TGFBR1: variants seen among roughly 807,000 people sequenced by gnomAD.
TGFBR1 encodes transforming growth factor beta receptor 1, also known as TGF-beta receptor type-1.
In TGFBR1, 20 loss-of-function variants were observed where a neutral mutation model predicts 55.1. The observed-to-expected ratio is 0.36, with a 90% CI of 0.26 to 0.53. The LOEUF is 0.53. Among genes scored for constraint, TGFBR1 ranks in the 20% least tolerant of loss-of-function variants. The probability of loss-of-function intolerance (pLI) is 0.91; values close to 1 mark genes in which losing one functional copy is unlikely to be tolerated. For synonymous variants in TGFBR1, 220 were observed against 214.8 expected (o/e 1.02, Z -0.21); for missense variants, 385 against 617.6 (o/e 0.62, Z 3.99).
At chr9:99,134,324 G>A (rs947311739) in intron 3 of TGFBR1, among the ~76,000 whole-genome samples, 13 of 152,256 alleles carry the variant, frequency 8.5e-5, no homozygotes, top group African/African-American at 2.9e-4. Context: ...TGGAGCTCAC[G>A]TCCCAGAAGG....
intron 2 of TGFBR1, among the ~76,000 whole-genome samples, chr9:99,131,185 A>G (rs1270633897): frequency 1.3e-5 from 2 of 152,148 alleles, no homozygotes; most frequent in Admixed American, 1.3e-4. Context: ...TTTAACACAC[A>G]TAAACATTGG....
At chr9:99,118,019 C>G (rs773809855) in intron 1 of TGFBR1, among the ~76,000 whole-genome samples, 4 of 152,134 alleles carry the variant, frequency 2.6e-5, no homozygotes, top group Non-Finnish European at 5.9e-5. Context: ...TTTGTAATTT[C>G]TATCAATAAG....
chr9:99,144,978 CTTAAACTTGCACTTTA>C, intron 6 of TGFBR1, 90 bp downstream of exon 6: 1 of 1,436,124 alleles, frequency 7.0e-7, no homozygotes, highest in Non-Finnish European at 9.6e-7. Context: ...TGAAACTCAG[CTTAAACTTGCACTTTA>C]TTAGATTGCC....
chr9:99,141,434 T>G (rs905516876), intron 4 of TGFBR1, among the ~76,000 whole-genome samples: 1 of 152,242 alleles, frequency 6.6e-6, no homozygotes, highest in Non-Finnish European at 1.5e-5. Flanking sequence ...TTCATGTCAA[T>G]ATGGATTTTT....
Position 99,140,837 on chromosome 9 carries a change from C to A in TGFBR1, c.806-1699C>A, listed in dbSNP as rs1564165836. Among the ~76,000 whole-genome samples, 6 of 152,308 alleles carry A rather than the reference C, an allele frequency of 3.9e-5. No individual in the cohort carries two copies. In the East Asian group the frequency reaches 1.2e-3, roughly 29 times the overall value. On this transcript the variant is annotated intron_variant, in intron 4 of 8. Coordinates refer to ENST00000374994, the MANE Select transcript of TGFBR1 (RefSeq NM_004612.4). ...CTGGATTTTGTCACATTCCAAGTTA[C>A]AAACACAGCAGCACAAAATGTTGGT...
chr9:99,118,263 GTCC>G (rs1826804905), intron 1 of TGFBR1, among the ~76,000 whole-genome samples: 1 of 152,080 alleles, frequency 6.6e-6, no homozygotes, highest in African/African-American at 2.4e-5. Flanking sequence ...GTACATAGTT[GTCC>G]TCTGCAAGTA....
At chr9:99,148,307 C>T (rs901233053) in intron 8 of TGFBR1, among the ~76,000 whole-genome samples, 4 of 152,140 alleles carry the variant, frequency 2.6e-5, no homozygotes, top group Non-Finnish European at 4.4e-5. Flanking sequence ...AGGGAAAATG[C>T]TTTTTTCCAG....
In TGFBR1 at chr9:99,108,537, A is replaced by C. The variant is rs1465884476; in HGVS notation, c.97+3235A>C. Among the ~76,000 whole-genome samples, 3 of 152,180 alleles carry C rather than the reference A, an allele frequency of 2.0e-5. No homozygotes were observed. The East Asian group carries it at 5.8e-4, about 29-fold the overall frequency. On this transcript the variant is annotated intron_variant, in intron 1 of 8. Coordinates refer to ENST00000374994, the MANE Select transcript of TGFBR1 (RefSeq NM_004612.4). ...ATTCAAAAAGGGAAATGATTAGTGT[A>C]AGCTGGAATGATTGGGGGAGGCTTC...
upstream of TGFBR1, among the ~76,000 whole-genome samples, chr9:99,104,908 G>T (rs997683604): frequency 2.0e-5 from 3 of 151,718 alleles, no homozygotes; most frequent in East Asian, 5.9e-4. Flanking sequence ...GGGTCTGGCG[G>T]CCCAGCCCCC....
intron 4 of TGFBR1, among the ~76,000 whole-genome samples, chr9:99,140,209 G>A (rs1199326361): frequency 6.6e-6 from 1 of 152,210 alleles, no homozygotes; most frequent in African/African-American, 2.4e-5. Flanking sequence ...CCAGCACTTT[G>A]GGAAGCCAAG....
chr9:99,151,308 G>C lies in TGFBR1; in HGVS notation c.*2003G>C. 4.3e-6 allele frequency: 1 copy of C among 230,026 alleles called. No individual in the cohort carries two copies. 14.2% of individuals were successfully genotyped at this position (230,026 alleles called of 1,614,324 possible). A position where few individuals can be genotyped will look rare whatever the true frequency, so the allele number is the denominator to read the frequency against. On this transcript the variant is annotated 3_prime_UTR_variant, in exon 9 of 9. Transcript: ENST00000374994. ...TGAAGCAAATGAATGAGTTTGAGAG[G>C]TTTGTTTTTATAGTTGTGTTGTATT...
intron 8 of TGFBR1, 50 bp from the exon 9 acceptor site, chr9:99,149,130 C>T: frequency 1.3e-6 from 2 of 1,545,498 alleles, no homozygotes; most frequent in African/African-American, 1.4e-5. Flanking sequence ...TTATCCAGAC[C>T]AATGGAAAAT....
chr9:99,107,106 C>T (rs1478872167), intron 1 of TGFBR1, among the ~76,000 whole-genome samples: 1 of 152,198 alleles, frequency 6.6e-6, no homozygotes, highest in Non-Finnish European at 1.5e-5. Context: ...GAACATTGCT[C>T]AGTCCATGTC....
intron 7 of TGFBR1, among the ~76,000 whole-genome samples, chr9:99,146,946 G>A (rs1827815017): frequency 6.6e-6 from 1 of 152,290 alleles, no homozygotes; most frequent in Admixed American, 6.5e-5. Flanking sequence ...GTACCTGGGT[G>A]TCAAACTTAT....
intron 1 of TGFBR1, among the ~76,000 whole-genome samples, chr9:99,123,925 CATTTG>C (rs1340269144): frequency 2.0e-5 from 3 of 152,140 alleles, no homozygotes; most frequent in African/African-American, 4.8e-5. Context: ...TACAGTATCT[CATTTG>C]ATTAGCTCAG....
At chr9:99,104,478 C>G (rs1158620323), upstream of TGFBR1, among the ~76,000 whole-genome samples, 1 of 151,946 alleles carries the variant, frequency 6.6e-6, no homozygotes, top group Non-Finnish European at 1.5e-5. Flanking sequence ...GGTGGGGGAG[C>G]TGGGTTTGGG....
chr9:99,142,836 A>G, intron 5 of TGFBR1, 133 bp downstream of exon 5: 2 of 962,908 alleles, frequency 2.1e-6, no homozygotes, highest in Non-Finnish European at 3.2e-6. Flanking sequence ...AGGTGGGCAG[A>G]TCGCCCGATC....
At chr9:99,146,704 C>T (rs1033665748) in intron 7 of TGFBR1, 95 bp downstream of exon 7, 13 of 1,571,860 alleles carry the variant, frequency 8.3e-6, no homozygotes, top group African/African-American at 1.4e-5. Flanking sequence ...ATGTACAGTC[C>T]ATTATCTGAA....
At position 99,150,811 on chromosome 9, in the gene TGFBR1, CTT is replaced by C. The variant is rs886470240; in HGVS notation, c.*1507_*1508del. 4.6e-5 allele frequency: 10 copies of C among 218,432 alleles called. No homozygotes were observed. The highest frequency in any genetic ancestry group is 2.2e-4 in the African/African-American group (10 of 44,594). 13.5% of individuals were successfully genotyped at this position (218,432 alleles called of 1,614,324 possible). ...TCTTTGGTCAAATATTGAAAGCAAA[CTT>C]GTCATGGTCTTCTTACATTAAGTTG... is the stretch of plus-strand genomic sequence containing the variant. On this transcript the variant is annotated 3_prime_UTR_variant, in exon 9 of 9. Coordinates refer to ENST00000374994, the MANE Select transcript of TGFBR1 (RefSeq NM_004612.4).
Sources: allele counts gnomAD v4.1 joint callset (sites outside exome capture counted in the v4.1 genomes callset), GRCh38; gene constraint gnomAD v4.1.1; transcripts MANE v1.5; gene names NCBI Gene and HGNC (gene_info 2026-07-23, HGNC 2026-07-21).